AEBP1: variants seen among roughly 807,000 people sequenced by gnomAD.
AEBP1 encodes AE binding protein 1.
AEBP1 carries 69 observed loss-of-function variants against 116.5 expected under a neutral mutation model. That is an observed-to-expected ratio of 0.59 (90% CI 0.49 to 0.72). The LOEUF (loss-of-function observed/expected upper bound fraction) is 0.72. AEBP1 is among the 30% of genes least tolerant of loss of function. The pLI is 0.00. For synonymous variants in AEBP1, 627 were observed against 627.3 expected (o/e 1.00, Z 0.01); for missense variants, 1,444 against 1,557.5 (o/e 0.93, Z 1.23).
At position 44,111,525 on chromosome 7, in the gene AEBP1, G is replaced by A. The variant is rs765778651; in HGVS notation, c.1735G>A (p.Glu579Lys). The change falls in exon 15 of 21, where the codon GAG (glutamate) becomes AAG (lysine). Residue 579 changes from glutamate (E) to lysine (K), a missense_variant. By Grantham distance (56) the Glu-to-Lys change is moderately conservative. Coordinates refer to ENST00000223357, the MANE Select transcript of AEBP1 (RefSeq NM_001129.5). This position sits in a 1 kb window ranked among gnomAD's most constrained non-coding sequence, Gnocchi z 4.7. ...DMRQLMKVVNEECPTITRTYS... is the reference protein window; with the variant it reads ...DMRQLMKVVNKECPTITRTYS... ...GCCCCAGCTCATGAAGGTGGTGAAC[G>A]AGGAGTGCCCCACCATCACCCGCAC... The A allele has an allele frequency of 1.7e-5, 27 of 1,598,116 alleles. No individual in the cohort carries two copies. Among genetic ancestry groups the A allele is most frequent in the Admixed American group, 5.4e-5 (3 of 55,816 alleles).
rs534569608 is a variant in AEBP1, at chr7:44,104,552, C to T, written c.-114C>T. 1.0e-5 allele frequency: 7 copies of T among 680,210 alleles called. No individual in the cohort carries two copies. The highest frequency in any genetic ancestry group is 7.3e-5 in the South Asian group (3 of 40,872). The allele number at this position is 680,210 out of a possible 1,614,324, so 42.1% of individuals were successfully genotyped here. On this transcript the variant is annotated 5_prime_UTR_variant, in exon 1 of 21. Transcript: ENST00000223357. ...TCCCTCGCTCACCCCATCCTCTCTC[C>T]CGCCCCTTCCTGGATTCCCTCACCC...
In AEBP1 at chr7:44,114,082, G is replaced by C; in HGVS notation, c.3298G>C (p.Glu1100Gln). ...VTEFGTEVEP[E>Q]FGTKVEPEFE... The stretch of plus-strand genomic sequence containing the variant: ...AGAGTTTGGGACCGAGGTGGAGCCC[G>C]AGTTTGGGACCAAGGTGGAGCCCGA... Residue 1100 changes from glutamate to glutamine, a missense_variant, in exon 21 of 21, where the codon GAG (glutamate) becomes CAG (glutamine). Transcript: ENST00000223357. 1 of 1,613,652 alleles carries C rather than the reference G, an allele frequency of 6.2e-7. No homozygotes were observed.
Position 44,108,866 on chromosome 7 carries a change from A to G in AEBP1, c.941-33A>G. Reference sequence around the variant, plus strand: ...GGAGCTGAGGCCCCGCAGCAGGGTCAGGGCAGCCTCAGCTGGCTCTCCCTC... The same window carrying G: ...GGAGCTGAGGCCCCGCAGCAGGGTCGGGGCAGCCTCAGCTGGCTCTCCCTC... On this transcript the variant is annotated intron_variant, in intron 6 of 20. Transcript: ENST00000223357. This position sits in a 1 kb window ranked among gnomAD's most constrained non-coding sequence, Gnocchi z 5.0. 1 of 1,547,944 alleles carries G rather than the reference A, an allele frequency of 6.5e-7. No individual in the cohort carries two copies. The highest frequency in any genetic ancestry group is 8.7e-7 in the Non-Finnish European group (1 of 1,143,526).
Position 44,104,691 on chromosome 7 carries a change from T to G in AEBP1, c.26T>G (p.Leu9Arg). ...ATGGCGGCCGTGCGCGGGGCGCCCC[T>G]GCTCAGCTGCCTCCTGGCGTTGCTG... MAAVRGAP[L>R]LSCLLALLAL... The change falls in exon 1 of 21, where the codon CTG (leucine) becomes CGG (arginine). Residue 9 changes from leucine to arginine, a missense_variant. Coordinates refer to ENST00000223357, the MANE Select transcript of AEBP1 (RefSeq NM_001129.5). 6.3e-7 allele frequency: 1 copy of G among 1,590,982 alleles called. No individual in the cohort carries two copies. The highest frequency in any genetic ancestry group is 2.3e-5 in the East Asian group (1 of 43,782).
chr7:44,108,810 G>A lies in AEBP1; in HGVS notation c.941-89G>A, dbSNP rs968613107. The stretch of plus-strand genomic sequence containing the variant: ...CTCCCGTCCTCCTCCCCTCTGGCGC[G>A]GTCCTGTCCTGCTGAGCTCCTGTGG... On this transcript the variant is annotated intron_variant, in intron 6 of 20. Transcript: ENST00000223357. This position sits in a 1 kb window ranked among gnomAD's most constrained non-coding sequence, Gnocchi z 5.0. 1.6e-5 allele frequency: 20 copies of A among 1,217,686 alleles called. No individual in the cohort carries two copies. Among genetic ancestry groups the A allele is most frequent in the African/African-American group, 3.0e-5 (2 of 66,170 alleles). 75.4% of individuals were successfully genotyped at this position (1,217,686 alleles called of 1,614,324 possible). A position where few individuals can be genotyped will look rare whatever the true frequency, so the allele number is the denominator to read the frequency against.
chr7:44,110,888 T>C, intron 12 of AEBP1, 25 bp from the exon 13 acceptor site: 2 of 1,613,688 alleles, frequency 1.2e-6, no homozygotes, highest in Non-Finnish European at 1.7e-6. Flanking sequence ...CTGGCAGTAC[T>C]GCTCTGAGGC....
chr7:44,110,600 C>T (rs1330395950), intron 11 of AEBP1, 125 bp from the exon 12 acceptor site: 4 of 1,033,906 alleles, frequency 3.9e-6, no homozygotes, highest in Non-Finnish European at 5.7e-6. Context: ...CCAGGCTCAA[C>T]ACCTGGGCCG....
Position 44,111,170 on chromosome 7 carries a change from C to A in AEBP1, c.1647C>A (p.Tyr549Ter). The A allele has an allele frequency of 1.3e-6, 2 of 1,532,794 alleles. No homozygotes were observed. The highest frequency in any genetic ancestry group is 1.8e-6 in the Non-Finnish European group (2 of 1,138,944). 94.9% of individuals were successfully genotyped at this position (1,532,794 alleles called of 1,614,324 possible). Residue 549 changes from tyrosine to a stop codon, truncating the protein, a stop_gained, in exon 14 of 21, where the codon TAC (tyrosine) becomes TAA (stop). Coordinates refer to ENST00000223357, the MANE Select transcript of AEBP1 (RefSeq NM_001129.5). LOFTEE classifies it high-confidence loss of function. This position sits in a 1 kb window ranked among gnomAD's most constrained non-coding sequence, Gnocchi z 4.7. ...CCCTTGCAGCTGTCTACAGCTACTA[C>A]GCACAGAATGAGGTGGTGGCCACCG... ...GCSVAPVYSY[Y>*]AQNEVVATDD...
chr7:44,109,991 C>T (rs1282705349), intron 9 of AEBP1, 24 bp from the exon 10 acceptor site: 1 of 1,602,032 alleles, frequency 6.2e-7, no homozygotes, highest in Non-Finnish European at 8.5e-7. Context: ...TAGTGAGCCA[C>T]CATTCTGGGG....
chr7:44,112,128 C>A lies in AEBP1; in HGVS notation c.2038-14C>A. On this transcript the variant is annotated splice_polypyrimidine_tract_variant and intron_variant, in intron 16 of 20. Transcript: ENST00000223357. This position sits in a 1 kb window ranked among gnomAD's most constrained non-coding sequence, Gnocchi z 6.6. The stretch of plus-strand genomic sequence containing the variant: ...GTGTGGGTAGCCGATGCCTACCCTG[C>A]TGGCTCCCCACAGGGCTCAGAGTTT... The A allele has an allele frequency of 6.3e-7, 1 of 1,596,180 alleles. No individual in the cohort carries two copies. Among genetic ancestry groups the A allele is most frequent in the Non-Finnish European group, 8.6e-7 (1 of 1,167,098 alleles).
intron 11 of AEBP1, 65 bp from the exon 12 acceptor site, chr7:44,110,660 G>A: frequency 7.3e-7 from 1 of 1,371,558 alleles, no homozygotes; most frequent in Non-Finnish European, 9.9e-7. Flanking sequence ...GGAAGAGGGA[G>A]GCTCAGGCCA....
At chr7:44,109,535 C>A (rs2096226676) in intron 9 of AEBP1, 194 bp downstream of exon 9, 1 of 664,548 alleles carries the variant, frequency 1.5e-6, no homozygotes, top group South Asian at 2.1e-5. Context: ...GGACCCCAGG[C>A]TGGCCTGCTT....
chr7:44,104,946 T>TG (rs2096221480), intron 1 of AEBP1, 28 bp downstream of exon 1: 1 of 1,465,136 alleles, frequency 6.8e-7, no homozygotes, highest in Non-Finnish European at 9.1e-7. Flanking sequence ...GGCGGGGGTG[T>TG]GGGGGGCTGG....
In AEBP1 at chr7:44,108,151, A is replaced by G. The variant is rs1325519047; in HGVS notation, c.940+67A>G. The G allele has an allele frequency of 1.3e-6, 2 of 1,485,526 alleles. No individual in the cohort carries two copies. Among genetic ancestry groups the G allele is most frequent in the African/African-American group, 2.8e-5 (2 of 71,808 alleles). The allele number at this position is 1,485,526 out of a possible 1,614,324, so 92.0% of individuals were successfully genotyped here. A position where few individuals can be genotyped will look rare whatever the true frequency, so the allele number is the denominator to read the frequency against. ...TGGGGGTCGGGGCTGGGGTGTGGTCAGGAGCCAGCTGGGGCAACTCACCCA... is the reference window on the plus strand; with the variant it reads ...TGGGGGTCGGGGCTGGGGTGTGGTCGGGAGCCAGCTGGGGCAACTCACCCA... On this transcript the variant is annotated intron_variant, in intron 6 of 20. Transcript: ENST00000223357. This position sits in a 1 kb window ranked among gnomAD's most constrained non-coding sequence, Gnocchi z 5.0.
At position 44,111,215 on chromosome 7, in the gene AEBP1, C is replaced by T; in HGVS notation, c.1692C>T (p.His564=). 1 of 1,515,938 alleles carries T rather than the reference C, an allele frequency of 6.6e-7. No homozygotes were observed. The highest frequency in any genetic ancestry group is 8.8e-7 in the Non-Finnish European group (1 of 1,130,976). 93.9% of individuals were successfully genotyped at this position (1,515,938 alleles called of 1,614,324 possible). A position where few individuals can be genotyped will look rare whatever the true frequency, so the allele number is the denominator to read the frequency against. Residue 564 remains histidine, a synonymous_variant, in exon 14 of 21, where the codon CAC becomes CAT. Coordinates refer to ENST00000223357, the MANE Select transcript of AEBP1 (RefSeq NM_001129.5). This position sits in a 1 kb window ranked among gnomAD's most constrained non-coding sequence, Gnocchi z 4.7. ...CCACCGATGACCTGGATTTCCGGCA[C>T]CACAGCTACAAGGACATGCGCCAGG... The part of the protein sequence containing the change: ...VVATDDLDFR[H]HSYKDMRQLM...
In AEBP1 at chr7:44,113,316, T is replaced by A. The variant is rs2096232120; in HGVS notation, c.2774T>A (p.Ile925Asn). 1 of 1,613,400 alleles carries A rather than the reference T, an allele frequency of 6.2e-7. No individual in the cohort carries two copies. The highest frequency in any genetic ancestry group is 1.3e-5 in the African/African-American group (1 of 74,926). ...EQGIPIANAT[I>N]SVSGINHGVK... Reference sequence around the variant, plus strand: ...GGCATCCCCATTGCCAACGCCACCATCTCTGTGAGTGGCATTAATCACGGC... The same window carrying A: ...GGCATCCCCATTGCCAACGCCACCAACTCTGTGAGTGGCATTAATCACGGC... Residue 925 changes from isoleucine to asparagine, a missense_variant, in exon 20 of 21, where the codon ATC becomes AAC. Ile to Asn is a moderately radical substitution (Grantham distance 149, BLOSUM62 -3). Transcript: ENST00000223357. This position sits in a 1 kb window ranked among gnomAD's most constrained non-coding sequence, Gnocchi z 5.3.
Position 44,107,255 on chromosome 7 carries a change from GC to G in AEBP1, c.596-180del, listed in dbSNP as rs1258481934. The stretch of plus-strand genomic sequence containing the variant: ...CCCAGAAGGTGGGCCCAGCTCTCTG[GC>G]CCCATGAGATGCCAGCAGGATGCTG... On this transcript the variant is annotated intron_variant, in intron 2 of 20. Coordinates refer to ENST00000223357, the MANE Select transcript of AEBP1 (RefSeq NM_001129.5). This position sits in a 1 kb window ranked among gnomAD's most constrained non-coding sequence, Gnocchi z 4.3. 6.6e-6 allele frequency among the ~76,000 whole-genome samples: 1 copy of G among 152,180 alleles called. No individual in the cohort carries two copies. The highest frequency in any genetic ancestry group is 1.5e-5 in the Non-Finnish European group (1 of 68,038).
chr7:44,111,025 T>C lies in AEBP1; in HGVS notation c.1598T>C (p.Met533Thr). The C allele has an allele frequency of 6.2e-7, 1 of 1,613,602 alleles. No individual in the cohort carries two copies. Among genetic ancestry groups the C allele is most frequent in the Non-Finnish European group, 8.5e-7 (1 of 1,179,738 alleles). Reference protein sequence around the residue: ...YPLTWNGSLCMRLEVLGCSVA... With the variant: ...YPLTWNGSLCTRLEVLGCSVA... Reference sequence around the variant, plus strand: ...CTCACCTGGAATGGCAGCCTGTGCATGCGCCTGGAGGTGCTGGGGTGCTCT... The same window carrying C: ...CTCACCTGGAATGGCAGCCTGTGCACGCGCCTGGAGGTGCTGGGGTGCTCT... Residue 533 changes from methionine to threonine, a missense_variant, in exon 13 of 21, where the codon ATG (methionine) becomes ACG (threonine). Coordinates refer to ENST00000223357, the MANE Select transcript of AEBP1 (RefSeq NM_001129.5). The surrounding 1 kb of genome is among the most constrained non-coding windows in gnomAD (Gnocchi z 4.7).
Position 44,112,398 on chromosome 7 carries a change from G to A in AEBP1, c.2217+77G>A, listed in dbSNP as rs2096230516. ...GTCCTGGTGTTCTGGGCTTGGGGGTGGGGCTGACGGTGCCTGAACTCCAGA... is the reference window on the plus strand; with the variant it reads ...GTCCTGGTGTTCTGGGCTTGGGGGTAGGGCTGACGGTGCCTGAACTCCAGA... On this transcript the variant is annotated intron_variant, in intron 17 of 20. Coordinates refer to ENST00000223357, the MANE Select transcript of AEBP1 (RefSeq NM_001129.5). This position sits in a 1 kb window ranked among gnomAD's most constrained non-coding sequence, Gnocchi z 6.6. 1.4e-6 allele frequency: 2 copies of A among 1,478,636 alleles called. No homozygotes were observed. The highest frequency in any genetic ancestry group is 1.8e-6 in the Non-Finnish European group (2 of 1,106,296). 91.6% of individuals were successfully genotyped at this position (1,478,636 alleles called of 1,614,324 possible). A position where few individuals can be genotyped will look rare whatever the true frequency, so the allele number is the denominator to read the frequency against.
Sources: allele counts gnomAD v4.1 joint callset (sites outside exome capture counted in the v4.1 genomes callset), GRCh38; gene constraint gnomAD v4.1.1; non-coding constraint Gnocchi (gnomAD v3.1); transcripts MANE v1.5; gene names NCBI Gene and HGNC (gene_info 2026-07-23, HGNC 2026-07-21).